The following KCNH8 variants were observed in gnomAD, a reference collection of about 807,000 sequenced individuals.
The protein encoded by KCNH8 is voltage-gated delayed rectifier potassium channel KCNH8.
A neutral mutation model predicts 103.6 loss-of-function variants in KCNH8; 70 were observed. That is an observed-to-expected ratio of 0.68 (90% CI 0.56 to 0.82). The LOEUF is 0.82. Among genes scored for constraint, KCNH8 ranks in the 40% least tolerant of loss-of-function variants. The probability of loss-of-function intolerance (pLI) is 0.00; values close to 1 mark genes in which losing one functional copy is unlikely to be tolerated. For synonymous variants in KCNH8, 498 were observed against 489.4 expected (o/e 1.02, Z -0.23); for missense variants, 1,217 against 1,329.9 (o/e 0.92, Z 1.32).
At chr3:19,343,474 T>C (rs1185797628) in intron 4 of KCNH8, among the ~76,000 whole-genome samples, 1 of 152,096 alleles carries the variant, frequency 6.6e-6, no homozygotes, top group African/African-American at 2.4e-5. Context: ...TAGTTGTAGA[T>C]ACTCAAAGTT....
intron 5 of KCNH8, among the ~76,000 whole-genome samples, chr3:19,355,039 A>G (rs953781816): frequency 2.6e-5 from 4 of 152,090 alleles, no homozygotes; most frequent in African/African-American, 9.7e-5. Context: ...TTACAAGAAA[A>G]CAATCAAACA....
intron 1 of KCNH8, among the ~76,000 whole-genome samples, chr3:19,215,061 G>A (rs57610409): frequency 0.039 from 5,900 of 152,248 alleles, 403 homozygotes; most frequent in African/African-American, 0.13. Flanking sequence ...GCTTGGGCCT[G>A]TATCTCTTCC....
intron 11 of KCNH8, among the ~76,000 whole-genome samples, chr3:19,460,953 G>A (rs569556759): frequency 6.6e-6 from 1 of 152,226 alleles, no homozygotes; most frequent in Admixed American, 6.5e-5. Flanking sequence ...ATGATTGTAA[G>A]TTTTCTGAGA....
At chr3:19,466,066 G>A (rs375979638) in intron 11 of KCNH8, among the ~76,000 whole-genome samples, 66 of 151,870 alleles carry the variant, frequency 4.3e-4, no homozygotes, top group African/African-American at 1.4e-3. Context: ...TCCCATGCAC[G>A]GGCATGCACC....
At position 19,161,475 on chromosome 3, in the gene KCNH8, A is replaced by T. The variant is rs115912089; in HGVS notation, c.76+12680A>T. Among the ~76,000 whole-genome samples the T allele has an allele frequency of 8.3e-3, 1,260 of 152,288 alleles. 13 individuals are homozygous for T. The highest frequency in any genetic ancestry group is 0.028 in the African/African-American group (1,167 of 41,558). On this transcript the variant is annotated intron_variant, in intron 1 of 15. Coordinates refer to ENST00000328405, the MANE Select transcript of KCNH8 (RefSeq NM_144633.3). ...TGTAGAAAAGAATGAAGCACCAGTG[A>T]TTAATGTGTTGTTATTAGTAACAGC...
intron 3 of KCNH8, among the ~76,000 whole-genome samples, chr3:19,303,567 T>C (rs1315862753): frequency 1.3e-5 from 2 of 152,152 alleles, no homozygotes; most frequent in Non-Finnish European, 2.9e-5. Flanking sequence ...AGTGTCTATA[T>C]TTATAGATTT....
At chr3:19,410,140 A>G (rs2066754918) in intron 7 of KCNH8, among the ~76,000 whole-genome samples, 1 of 152,092 alleles carries the variant, frequency 6.6e-6, no homozygotes, top group Non-Finnish European at 1.5e-5. Flanking sequence ...ATTAAAAAAT[A>G]CTTGAATAAG....
At chr3:19,247,507 G>T (rs569264855) in intron 1 of KCNH8, among the ~76,000 whole-genome samples, 1 of 152,122 alleles carries the variant, frequency 6.6e-6, no homozygotes, top group African/African-American at 2.4e-5. Flanking sequence ...GAAAGCATAG[G>T]GGGGCAACTC....
At chr3:19,350,075 T>C (rs1402301396) in intron 5 of KCNH8, among the ~76,000 whole-genome samples, 1 of 152,158 alleles carries the variant, frequency 6.6e-6, no homozygotes. Flanking sequence ...CCTGCTGTTA[T>C]CTGCCTGCTC....
Position 19,482,489 on chromosome 3 carries a change from C to T in KCNH8, c.2040+25507C>T, listed in dbSNP as rs182651251. ...GATCGATAGTAATTCATACAGTACA[C>T]TTGTGCCAAAGCATTTTTGTGAACT... On this transcript the variant is annotated intron_variant, in intron 11 of 15. Coordinates refer to ENST00000328405, the MANE Select transcript of KCNH8 (RefSeq NM_144633.3). Among the ~76,000 whole-genome samples the T allele has an allele frequency of 3.5e-3, 526 of 152,282 alleles. 6 individuals carry two copies. Among genetic ancestry groups the T allele is most frequent in the African/African-American group, 0.011 (475 of 41,550 alleles).
intron 4 of KCNH8, among the ~76,000 whole-genome samples, chr3:19,343,988 T>A (rs2065696470): frequency 6.6e-6 from 1 of 150,984 alleles, no homozygotes; most frequent in South Asian, 2.1e-4. Context: ...CGCTTTGATT[T>A]TTTTTTTTTT....
intron 3 of KCNH8, among the ~76,000 whole-genome samples, chr3:19,334,787 G>C (rs2065559027): frequency 6.6e-6 from 1 of 150,578 alleles, no homozygotes; most frequent in Non-Finnish European, 1.5e-5. Context: ...ATGGTATTAT[G>C]AAAGAGATTC....
At chr3:19,340,413 G>A (rs776251383) in intron 3 of KCNH8, among the ~76,000 whole-genome samples, 122 of 147,898 alleles carry the variant, frequency 8.2e-4, no homozygotes, top group Middle Eastern at 7.0e-3. Context: ...CATTGTGCAG[G>A]TTAGTTACAT....
intron 3 of KCNH8, among the ~76,000 whole-genome samples, chr3:19,313,283 C>G (rs1028708541): frequency 3.3e-5 from 5 of 151,774 alleles, no homozygotes; most frequent in African/African-American, 1.2e-4. Flanking sequence ...AGTCAGCTTG[C>G]TAGCTCTGCA....
chr3:19,390,056 C>T (rs1559304019), intron 5 of KCNH8, among the ~76,000 whole-genome samples: 1 of 152,168 alleles, frequency 6.6e-6, no homozygotes, highest in East Asian at 1.9e-4. Context: ...AGGAGATGTA[C>T]TGAGGATTAA....
rs927559406 is a variant in KCNH8 at position 19,533,654 on chromosome 3, G to A, written c.2879G>A (p.Ser960Asn). 15 of 1,614,080 alleles carry A rather than the reference G, an allele frequency of 9.3e-6. No homozygotes were observed. The African/African-American group carries it at 1.9e-4, about 20-fold the overall frequency. Residue 960 changes from serine to asparagine, a missense_variant, in exon 16 of 16, where the codon AGT becomes AAT. Around this residue, in one of 3 missense-constraint regions of KCNH8, gnomAD observed 558 missense variants for 495.8 expected, o/e 1.13. Transcript: ENST00000328405. ...AGTAATATCACCTCAGACATTTGGAGTGTGGATCCCTCCTCTGTGGGGAGC... is the reference window on the plus strand; with the variant it reads ...AGTAATATCACCTCAGACATTTGGAATGTGGATCCCTCCTCTGTGGGGAGC... ...CSSNITSDIW[S>N]VDPSSVGSSP...
intron 3 of KCNH8, among the ~76,000 whole-genome samples, chr3:19,288,181 C>CTTTTTTTTTTTCTTTTTTTTTTTTTTTTT (rs2064861256): frequency 1.0e-4 from 4 of 38,162 alleles, no homozygotes; most frequent in African/African-American, 3.9e-4. Flanking sequence ...TATCAAACTT[C>CTTTTTTTTTTTCTTTTTTTTTTTTTTTTT]TTTTTTTTTT....
chr3:19,298,602 T>A (rs150400400), intron 3 of KCNH8, among the ~76,000 whole-genome samples: 966 of 152,260 alleles, frequency 6.3e-3, no homozygotes, highest in Non-Finnish European at 0.011. Flanking sequence ...AATAAAAATT[T>A]TACAGTATGG....
intron 11 of KCNH8, among the ~76,000 whole-genome samples, chr3:19,459,555 T>G (rs994473541): frequency 5.9e-5 from 9 of 152,256 alleles, no homozygotes; most frequent in Middle Eastern, 3.4e-3. Context: ...GTAGATTGTC[T>G]CTTGATTCTG....
Sources: gnomAD v4.1 joint callset for allele counts (sites outside exome capture counted in the v4.1 genomes callset) on GRCh38, gnomAD v4.1.1 for gene constraint, gnomAD v4.1.1 regional missense constraint, MANE v1.5 for transcripts, NCBI Gene and HGNC (gene_info 2026-07-23, HGNC 2026-07-21) for gene names.